The following NALF1 variants were observed in gnomAD, a reference collection of about 807,000 sequenced individuals.
NALF1 encodes family with sequence similarity 155 member A.
In NALF1, 3 loss-of-function variants were observed where a neutral mutation model predicts 48.4. The ratio of observed to expected loss-of-function variants is 0.06; its 90% CI spans 0.03 to 0.16. The LOEUF is 0.16. Among genes scored for constraint, NALF1 ranks in the 10% least tolerant of loss-of-function variants. The pLI is 1.00. For synonymous variants in NALF1, 262 were observed against 245.7 expected, an observed-to-expected ratio of 1.07 and a Z score of -0.62; for missense variants, 526 against 571.5, an observed-to-expected ratio of 0.92 and a Z score of 0.81.
intron 1 of NALF1, among the ~76,000 whole-genome samples, chr13:107,671,832 A>G (rs914228327): frequency 6.6e-6 from 1 of 152,146 alleles, no homozygotes; most frequent in African/African-American, 2.4e-5. Context: ...TGTTCAGAAG[A>G]CTGTCCTATG....
chr13:107,705,616 T>C (rs1224942322), intron 1 of NALF1, among the ~76,000 whole-genome samples: 3 of 152,056 alleles, frequency 2.0e-5, no homozygotes, highest in Admixed American at 1.3e-4. Context: ...AAGATTATTA[T>C]TAGACATAAA....
intron 1 of NALF1, among the ~76,000 whole-genome samples, chr13:107,854,460 T>C (rs1297719079): frequency 6.6e-6 from 1 of 152,248 alleles, no homozygotes; most frequent in Non-Finnish European, 1.5e-5. Flanking sequence ...TACCCGATTT[T>C]AAATGATTTA....
intron 1 of NALF1, among the ~76,000 whole-genome samples, chr13:107,604,027 T>C (rs921680275): frequency 2.6e-5 from 4 of 152,208 alleles, no homozygotes; most frequent in Non-Finnish European, 4.4e-5. Context: ...CCAGAAATAA[T>C]TGGTTCTCTA....
rs1386945144 is a variant in NALF1, at chr13:107,660,484, C to CACAAACAA, written c.915+205197_915+205198insTTGTTTGT. Among the ~76,000 whole-genome samples the CACAAACAA allele has an allele frequency of 5.9e-3, 827 of 139,210 alleles. 16 individuals carry two copies. Among genetic ancestry groups the CACAAACAA allele is most frequent in the South Asian group, 0.011 (49 of 4,268 alleles). 91.3% of individuals were successfully genotyped at this position (139,210 alleles called of 152,430 possible). ...ACACACACACACACACACACACACA[C>CACAAACAA]AACAAAGAAACAAAAAAACAAACAA... On this transcript the variant is annotated intron_variant, in intron 1 of 2. Coordinates refer to ENST00000375915, the MANE Select transcript of NALF1 (RefSeq NM_001080396.3).
chr13:107,284,616 G>A (rs563934416), intron 1 of NALF1, among the ~76,000 whole-genome samples: 1 of 152,314 alleles, frequency 6.6e-6, no homozygotes, highest in South Asian at 2.1e-4. Context: ...TAACTCCAAT[G>A]TGATGGCATT....
At chr13:107,838,667 C>T (rs1879968697) in intron 1 of NALF1, among the ~76,000 whole-genome samples, 1 of 152,026 alleles carries the variant, frequency 6.6e-6, no homozygotes, top group Admixed American at 6.6e-5. Flanking sequence ...CTGTTTTATT[C>T]AAGCTATCAT....
intron 1 of NALF1, among the ~76,000 whole-genome samples, chr13:107,358,019 GACT>G (rs1882992705): frequency 6.6e-6 from 1 of 151,992 alleles, no homozygotes; most frequent in African/African-American, 2.4e-5. Context: ...ATAAATAAAT[GACT>G]ACATGTAATG....
intron 1 of NALF1, among the ~76,000 whole-genome samples, chr13:107,413,304 G>C (rs1884024052): frequency 6.6e-6 from 1 of 152,126 alleles, no homozygotes; most frequent in East Asian, 1.9e-4. Context: ...AATTCTAAGT[G>C]CATGCTATCT....
intron 1 of NALF1, among the ~76,000 whole-genome samples, chr13:107,573,618 T>C (rs2138403655): frequency 6.6e-6 from 1 of 152,278 alleles, no homozygotes; most frequent in African/African-American, 2.4e-5. Context: ...TTCCTTGATA[T>C]GATTTGGTTG....
At chr13:107,533,106 T>C (rs1175023186) in intron 1 of NALF1, among the ~76,000 whole-genome samples, 2 of 152,144 alleles carry the variant, frequency 1.3e-5, no homozygotes, top group Non-Finnish European at 2.9e-5. Context: ...CTAAAATTAA[T>C]ATCCCCACGA....
At chr13:107,769,597 G>T (rs1353870101) in intron 1 of NALF1, among the ~76,000 whole-genome samples, 1 of 149,916 alleles carries the variant, frequency 6.7e-6, no homozygotes, top group Non-Finnish European at 1.5e-5. Flanking sequence ...GCTAGATGAC[G>T]AGTTAGTGGG....
intron 1 of NALF1, among the ~76,000 whole-genome samples, chr13:107,227,032 C>CAAGAGATT (rs1456005359): frequency 6.6e-6 from 1 of 152,170 alleles, no homozygotes; most frequent in Non-Finnish European, 1.5e-5. Flanking sequence ...TATCTTATTT[C>CAAGAGATT]AAGAGATTTC....
intron 1 of NALF1, among the ~76,000 whole-genome samples, chr13:107,329,566 A>G (rs1882429329): frequency 6.6e-6 from 1 of 151,636 alleles, no homozygotes; most frequent in Non-Finnish European, 1.5e-5. Flanking sequence ...TTTGTTACAT[A>G]TGTATACATG....
chr13:107,219,131 C>T (rs1879939120), intron 1 of NALF1, among the ~76,000 whole-genome samples: 1 of 152,136 alleles, frequency 6.6e-6, no homozygotes. Flanking sequence ...AAAGTCACTC[C>T]ATAAGACTAC....
chr13:107,492,093 A>AGGACAGTG (rs1180397893), intron 1 of NALF1, among the ~76,000 whole-genome samples: 2 of 126,450 alleles, frequency 1.6e-5, no homozygotes, highest in Admixed American at 9.9e-5. Flanking sequence ...CCCAGGCTGG[A>AGGACAGTG]GGACAGTGGG....
chr13:107,344,699 T>C (rs1882742344), intron 1 of NALF1, among the ~76,000 whole-genome samples: 2 of 152,142 alleles, frequency 1.3e-5, no homozygotes, highest in South Asian at 2.1e-4. Context: ...AAAGGTCATA[T>C]ATGAAAAGGA....
intron 1 of NALF1, among the ~76,000 whole-genome samples, chr13:107,273,583 T>A (rs889724198): frequency 1.3e-5 from 2 of 152,224 alleles, no homozygotes; most frequent in African/African-American, 4.8e-5. Context: ...CACAAAAAGC[T>A]GTCCTAGAAG....
At chr13:107,215,579 C>T (rs1429282185) in intron 1 of NALF1, among the ~76,000 whole-genome samples, 2 of 152,234 alleles carry the variant, frequency 1.3e-5, no homozygotes, top group Middle Eastern at 3.4e-3. Context: ...ACTTTGCTTC[C>T]TGATTACGGG....
chr13:107,813,673 CA>C (rs5806695), intron 1 of NALF1, among the ~76,000 whole-genome samples: 33,890 of 141,838 alleles, frequency 0.24, 4,261 homozygotes, highest in Admixed American at 0.36. Context: ...AGAAGACCAG[CA>C]AAAAAAAAAA....
Sources: allele counts gnomAD v4.1 joint callset (sites outside exome capture counted in the v4.1 genomes callset), GRCh38; gene constraint gnomAD v4.1.1; transcripts MANE v1.5; gene names NCBI Gene and HGNC (gene_info 2026-07-23, HGNC 2026-07-21).